The following SDS variants were observed in gnomAD, a reference collection of about 807,000 sequenced individuals.
SDS encodes serine dehydratase.
SDS carries 19 observed loss-of-function variants against 29.3 expected under a neutral mutation model. That is an observed-to-expected ratio of 0.65 (90% confidence interval 0.45 to 0.95). The LOEUF (loss-of-function observed/expected upper bound fraction) is 0.95. SDS is among the 40% of genes least tolerant of loss of function. SDS has a pLI of 0.00. For synonymous variants in SDS, 176 were observed against 189.0 expected (o/e 0.93, Z 0.56); for missense variants, 375 against 439.9 (o/e 0.85, Z 1.32).
At position 113,393,931 on chromosome 12, in the gene SDS, A is replaced by G. The variant is rs1215452651; in HGVS notation, c.739T>C (p.Ser247Pro). 1.2e-6 allele frequency: 2 copies of G among 1,614,200 alleles called. No homozygotes were observed. Among genetic ancestry groups the G allele is most frequent in the Admixed American group, 1.7e-5 (1 of 60,022 alleles). Residue 247 changes from serine (S) to proline (P), a missense_variant, in exon 7 of 8, where the codon TCG becomes CCG. Ser to Pro is a moderately conservative substitution (Grantham distance 74). Coordinates refer to ENST00000257549, the MANE Select transcript of SDS (RefSeq NM_006843.3). The stretch of plus-strand genomic sequence containing the variant: ...ATGGCGGCCACAGCCTCCTGGTCCG[A>G]GATAACTTCAGAGAAAATGGGGTGT... Reference protein sequence around the residue: ...QEHPIFSEVISDQEAVAAIEK... With the variant: ...QEHPIFSEVIPDQEAVAAIEK...
intron 6 of SDS, among the ~76,000 whole-genome samples, 160 bp from the exon 7 acceptor site, chr12:113,394,176 C>T (rs2136932194): frequency 6.6e-6 from 1 of 152,214 alleles, no homozygotes. Flanking sequence ...CCCTGAAAAG[C>T]CTCAGGGATC....
intron 3 of SDS, 74 bp downstream of exon 3, chr12:113,399,038 C>A (rs1255737664): frequency 2.4e-5 from 38 of 1,595,100 alleles, no homozygotes; most frequent in Non-Finnish European, 9.5e-6. Context: ...CTGGGGAAAC[C>A]AGGGCTCAGA....
chr12:113,403,557 G>C (rs1957699488), intron 1 of SDS, among the ~76,000 whole-genome samples: 1 of 152,020 alleles, frequency 6.6e-6, no homozygotes, highest in South Asian at 2.1e-4. Flanking sequence ...AGAGATTGGG[G>C]GGGGTCTCAC....
chr12:113,398,351 G>T (rs575225960), intron 5 of SDS, among the ~76,000 whole-genome samples, 164 bp downstream of exon 5: 1 of 152,226 alleles, frequency 6.6e-6, no homozygotes, highest in African/African-American at 2.4e-5. Flanking sequence ...GATTACAGGC[G>T]TGAGCCACTG....
chr12:113,402,504 GCTGGTCTCGAACTC>G (rs531901171), intron 1 of SDS, among the ~76,000 whole-genome samples: 1,599 of 152,248 alleles, frequency 0.011, 34 homozygotes, highest in African/African-American at 0.035. Flanking sequence ...TATTGGGCAG[GCTGGTCTCGAACTC>G]CTGACCTCAA....
intron 1 of SDS, among the ~76,000 whole-genome samples, chr12:113,402,096 TCCC>T (rs1172254347): frequency 6.6e-6 from 1 of 152,118 alleles, no homozygotes; most frequent in Non-Finnish European, 1.5e-5. Flanking sequence ...AGACTTAGCA[TCCC>T]CTAAATAGGT....
chr12:113,399,180 G>A, intron 2 of SDS, 29 bp from the exon 3 acceptor site: 1 of 1,612,550 alleles, frequency 6.2e-7, no homozygotes, highest in Non-Finnish European at 8.5e-7. Context: ...AGGCACTCAG[G>A]CCCACCTCCC....
chr12:113,392,951 A>T lies in SDS; in HGVS notation c.977T>A (p.Leu326Ter). 1 of 1,614,088 alleles carries T rather than the reference A, an allele frequency of 6.2e-7. No homozygotes were observed. The highest frequency in any genetic ancestry group is 8.5e-7 in the Non-Finnish European group (1 of 1,179,992). ...GTAAGGGGTCCGTCCTCACTTGGGC[A>T]ACCTATTTGTCATGCCCAGCTGTTC... ...LKEQLGMTNR[L>*]PK is the part of the protein sequence containing the mutation. The change falls in exon 8 of 8, where the codon TTG (leucine) becomes TAG (stop). Residue 326 changes from leucine (L) to a stop codon, truncating the protein, a stop_gained. Transcript: ENST00000257549. LOFTEE classifies it high-confidence loss of function.
At chr12:113,402,579 C>T (rs577811069) in intron 1 of SDS, among the ~76,000 whole-genome samples, 1 of 152,338 alleles carries the variant, frequency 6.6e-6, no homozygotes, top group East Asian at 1.9e-4. Flanking sequence ...AGGCGTGAGC[C>T]ACCACACCGA....
chr12:113,401,629 C>T (rs1245928168), intron 1 of SDS, among the ~76,000 whole-genome samples: 1 of 152,156 alleles, frequency 6.6e-6, no homozygotes, highest in Non-Finnish European at 1.5e-5. Flanking sequence ...GTGAGTGAGG[C>T]AGGGAGGCAG....
intron 6 of SDS, among the ~76,000 whole-genome samples, chr12:113,394,950 T>C (rs1228560361): frequency 1.3e-5 from 2 of 152,206 alleles, no homozygotes; most frequent in African/African-American, 4.8e-5. Context: ...TCCTCCCTGC[T>C]AGTAACAAGC....
rs560432569 is a variant in SDS at position 113,395,881 on chromosome 12, G to A, written c.653+1284C>T. Among the ~76,000 whole-genome samples the A allele has an allele frequency of 3.3e-5, 5 of 152,292 alleles. No homozygotes were observed. The East Asian group carries it at 9.6e-4, about 29-fold the overall frequency. ...AATCCCAGCACTTTGGGAGGCTGAG[G>A]TGGGCAGATCACCTGAGGTGAGGAG... On this transcript the variant is annotated intron_variant, in intron 6 of 7. Transcript: ENST00000257549.
intron 2 of SDS, 156 bp downstream of exon 2, chr12:113,399,400 C>G (rs764717954): frequency 2.2e-5 from 22 of 1,009,688 alleles, no homozygotes; most frequent in Non-Finnish European, 3.1e-5. Flanking sequence ...GGGCACCCCT[C>G]AAACAGAGGA....
chr12:113,401,857 C>T (rs963244630), intron 1 of SDS, among the ~76,000 whole-genome samples: 1 of 152,162 alleles, frequency 6.6e-6, no homozygotes, highest in African/African-American at 2.4e-5. Flanking sequence ...TGGGCCGGGC[C>T]AGAAGAGATC....
At chr12:113,400,712 T>C (rs1444601854) in intron 1 of SDS, among the ~76,000 whole-genome samples, 2 of 152,132 alleles carry the variant, frequency 1.3e-5, no homozygotes, top group African/African-American at 4.8e-5. Flanking sequence ...TGTTTCCATG[T>C]GCACAGAGCA....
rs577051458 is a variant in SDS, at chr12:113,398,749, C to T, written c.291G>A (p.Glu97=). 132 of 1,614,218 alleles carry T rather than the reference C, an allele frequency of 8.2e-5. 1 individual carries two copies. The South Asian group carries it at 1.3e-3, about 16-fold the overall frequency. Reference sequence around the variant, plus strand: ...CTGTGGCACCTTCATTCTTGAGGCGCTCAATGGTGAGAGCAGGTGTGGTGC... The same window carrying T: ...CTGTGGCACCTTCATTCTTGAGGCGTTCAATGGTGAGAGCAGGTGTGGTGC... ...VPSTTPALTI[E]RLKNEGATVK... Residue 97 remains glutamate (E), a synonymous_variant, in exon 4 of 8, where the codon GAG becomes GAA. Coordinates refer to ENST00000257549, the MANE Select transcript of SDS (RefSeq NM_006843.3).
intron 3 of SDS, 112 bp downstream of exon 3, chr12:113,399,000 T>C (rs1957667255): frequency 6.4e-7 from 1 of 1,551,900 alleles, no homozygotes; most frequent in African/African-American, 1.4e-5. Flanking sequence ...AATTGGTGGC[T>C]GCTGCCATTG....
chr12:113,399,071 G>C, intron 3 of SDS, 41 bp downstream of exon 3: 1 of 1,610,982 alleles, frequency 6.2e-7, no homozygotes, highest in East Asian at 2.2e-5. Context: ...CTGATCCCAG[G>C]ACACACAGCA....
chr12:113,397,079 G>C, intron 6 of SDS, 86 bp downstream of exon 6: 2 of 1,170,058 alleles, frequency 1.7e-6, no homozygotes, highest in Non-Finnish European at 2.5e-6. Context: ...GAAACAGGCT[G>C]ACATCAGGAT....
Sources: gnomAD v4.1 joint callset for allele counts (sites outside exome capture counted in the v4.1 genomes callset) on GRCh38, gnomAD v4.1.1 for gene constraint, MANE v1.5 for transcripts, NCBI Gene and HGNC (gene_info 2026-07-23, HGNC 2026-07-21) for gene names.